Variants in USP12 observed in about 807,000 individuals in gnomAD.
USP12 encodes the protein ubiquitin carboxyl-terminal hydrolase 12.
A neutral mutation model predicts 45.5 loss-of-function variants in USP12; 19 were observed. The observed-to-expected ratio is 0.42, with a 90% CI of 0.29 to 0.61. The LOEUF is 0.61. Ranked by LOEUF, USP12 falls within the 20% of genes least tolerant of loss-of-function variation. The probability of loss-of-function intolerance (pLI) is 0.22; values close to 1 mark genes in which losing one functional copy is unlikely to be tolerated. For synonymous variants in USP12, 149 were observed against 148.8 expected, an observed-to-expected ratio of 1.00 and a Z score of -0.01; for missense variants, 242 against 447.7, an observed-to-expected ratio of 0.54 and a Z score of 4.15.
chr13:27,069,491 A>G, intron 8 of USP12, 107 bp from the exon 9 acceptor site: 1 of 848,312 alleles, frequency 1.2e-6, no homozygotes. Flanking sequence ...AATGTGGGGA[A>G]AATGGAACTC....
intron 1 of USP12, among the ~76,000 whole-genome samples, chr13:27,118,054 A>G (rs966520676): frequency 6.6e-6 from 1 of 150,410 alleles, no homozygotes; most frequent in Non-Finnish European, 1.5e-5. Context: ...AAAATATCAA[A>G]ATGTCACAGT....
At chr13:27,136,858 T>C (rs1323667355) in intron 1 of USP12, among the ~76,000 whole-genome samples, 1 of 152,162 alleles carries the variant, frequency 6.6e-6, no homozygotes, top group Non-Finnish European at 1.5e-5. Context: ...CCCTAAAGAA[T>C]CTGGGAAGGT....
chr13:27,077,205 C>A (rs1413111762), intron 6 of USP12: 1 of 152,024 alleles, frequency 6.6e-6, no homozygotes, highest in Non-Finnish European at 1.5e-5. Flanking sequence ...AAATATAATT[C>A]AACTATGAAA....
intron 1 of USP12, among the ~76,000 whole-genome samples, chr13:27,134,585 GAAC>G (rs372461160): frequency 7.5e-4 from 114 of 151,754 alleles, no homozygotes; most frequent in African/African-American, 2.5e-3. Flanking sequence ...ACTTCATTTT[GAAC>G]AACAAAGGGT....
chr13:27,098,888 AAAACAGAAAGTG>A (rs1391042033), intron 3 of USP12, among the ~76,000 whole-genome samples: 6 of 152,208 alleles, frequency 3.9e-5, no homozygotes, highest in Admixed American at 3.3e-4. Context: ...CAAAACTTCC[AAAACAGAAAGTG>A]AAACAAGGAT....
chr13:27,141,852 T>C (rs1301100440), intron 1 of USP12, among the ~76,000 whole-genome samples: 2 of 152,106 alleles, frequency 1.3e-5, no homozygotes, highest in Non-Finnish European at 2.9e-5. Flanking sequence ...AACTGGAAAA[T>C]TCCACACCTG....
In USP12 at chr13:27,106,007, C is replaced by T. The variant is rs775447769; in HGVS notation, c.130-63G>A. ...CAACACATTTTCAAGAGAGAAATTC[C>T]CGGTATATGGTTGAGAACAGAAAGA... On this transcript the variant is annotated intron_variant, in intron 2 of 8. Transcript: ENST00000282344. 13 of 1,407,088 alleles carry T rather than the reference C, an allele frequency of 9.2e-6. No homozygotes were observed. The East Asian group carries it at 3.2e-4, about 35-fold the overall frequency. 87.2% of individuals were successfully genotyped at this position (1,407,088 alleles called of 1,614,324 possible). A position where few individuals can be genotyped will look rare whatever the true frequency, so the allele number is the denominator to read the frequency against.
chr13:27,164,185 T>G (rs1878249148), intron 1 of USP12, among the ~76,000 whole-genome samples: 1 of 152,168 alleles, frequency 6.6e-6, no homozygotes, highest in South Asian at 2.1e-4. Context: ...ACTCTAACTC[T>G]ACTGAAAGAT....
At chr13:27,155,449 G>GC (rs1484661272) in intron 1 of USP12, among the ~76,000 whole-genome samples, 3 of 152,060 alleles carry the variant, frequency 2.0e-5, no homozygotes, top group African/African-American at 7.2e-5. Context: ...ATATGTTACA[G>GC]CCCCATTGGA....
intron 1 of USP12, among the ~76,000 whole-genome samples, chr13:27,148,729 G>A (rs1399830198): frequency 2.1e-5 from 3 of 144,130 alleles, no homozygotes; most frequent in Non-Finnish European, 4.5e-5. Flanking sequence ...GAGGTAGGTT[G>A]AAATGGGCTA....
At chr13:27,079,352 C>T (rs1360558225) in intron 6 of USP12, among the ~76,000 whole-genome samples, 1 of 152,152 alleles carries the variant, frequency 6.6e-6, no homozygotes, top group Non-Finnish European at 1.5e-5. Flanking sequence ...CTCTTGACCA[C>T]AAGGTAGCTG....
Position 27,078,652 on chromosome 13 carries a change from C to A in USP12, c.735-3264G>T, listed in dbSNP as rs79825328. Among the ~76,000 whole-genome samples the A allele has an allele frequency of 5.5e-3, 827 of 151,044 alleles. 11 individuals carry two copies. The highest frequency in any genetic ancestry group is 0.019 in the African/African-American group (780 of 41,102). ...AAAGCATACAAGATAAGGAGTCTTA[C>A]CAGAAATAAAGAATACTTCATAATA... On this transcript the variant is annotated intron_variant, in intron 6 of 8. Coordinates refer to ENST00000282344, the MANE Select transcript of USP12 (RefSeq NM_182488.4).
chr13:27,139,531 G>A (rs576975608), intron 1 of USP12, among the ~76,000 whole-genome samples: 27 of 152,272 alleles, frequency 1.8e-4, no homozygotes, highest in African/African-American at 4.6e-4. Context: ...CAGGAGAATC[G>A]CTTGAACCTG....
At chr13:27,113,036 C>G (rs1000820957) in intron 2 of USP12, among the ~76,000 whole-genome samples, 4 of 152,116 alleles carry the variant, frequency 2.6e-5, no homozygotes, top group Admixed American at 6.5e-5. Flanking sequence ...GGATTCAACA[C>G]CAGCATGGGC....
intron 1 of USP12, among the ~76,000 whole-genome samples, chr13:27,168,070 G>A (rs1486897306): frequency 1.5e-4 from 23 of 152,212 alleles, no homozygotes; most frequent in Non-Finnish European, 3.4e-4. Context: ...AGGGTGCTGT[G>A]CTAGGCACAG....
rs752581365 is a variant in USP12, at chr13:27,089,869, AG to A, written c.734+13del. 3.2e-5 allele frequency: 52 copies of A among 1,606,730 alleles called. 1 individual carries two copies. The Middle Eastern group carries it at 6.7e-4, about 21-fold the overall frequency. Reference sequence around the variant, plus strand: ...AATAAAATCACTTAAAAATCCATAAAGCTCTAAAATTACCGTTTGTGTGCTT... The same window carrying A: ...AATAAAATCACTTAAAAATCCATAAACTCTAAAATTACCGTTTGTGTGCTT... On this transcript the variant is annotated intron_variant, in intron 6 of 8. Coordinates refer to ENST00000282344, the MANE Select transcript of USP12 (RefSeq NM_182488.4).
chr13:27,163,912 T>C (rs1214003116), intron 1 of USP12, among the ~76,000 whole-genome samples: 1 of 151,982 alleles, frequency 6.6e-6, no homozygotes, highest in Non-Finnish European at 1.5e-5. Context: ...GAGGACTACT[T>C]CCTCAGCACA....
intron 1 of USP12, among the ~76,000 whole-genome samples, chr13:27,126,889 T>C (rs574370508): frequency 5.9e-5 from 9 of 152,226 alleles, no homozygotes; most frequent in Non-Finnish European, 8.8e-5. Context: ...TTCAGAACAA[T>C]GCCTGGCACA....
chr13:27,107,973 G>A (rs533418107), intron 2 of USP12, among the ~76,000 whole-genome samples: 22 of 152,048 alleles, frequency 1.4e-4, no homozygotes, highest in African/African-American at 5.1e-4. Flanking sequence ...AAGTCAGTGT[G>A]GTGATTCCTC....
Sources: gnomAD v4.1 joint callset for allele counts (sites outside exome capture counted in the v4.1 genomes callset) on GRCh38, gnomAD v4.1.1 for gene constraint, MANE v1.5 for transcripts, NCBI Gene and HGNC (gene_info 2026-07-23, HGNC 2026-07-21) for gene names.